The following OPLAH variants were observed in gnomAD, a reference collection of about 807,000 sequenced individuals.
OPLAH encodes the protein 5-oxoprolinase.
A neutral mutation model predicts 122.8 loss-of-function variants in OPLAH; 103 were observed. The ratio of observed to expected loss-of-function variants is 0.84; its 90% CI spans 0.71 to 0.99. The LOEUF (loss-of-function observed/expected upper bound fraction) is 0.99, where lower values mean the gene tolerates loss of function less well. Ranked by LOEUF, OPLAH falls within the 50% of genes least tolerant of loss-of-function variation. The pLI, the probability that OPLAH is intolerant of heterozygous loss-of-function variation, is 0.00. For missense variants in OPLAH, 1,902 were observed against 1,836.5 expected (o/e 1.04, Z -0.65); for synonymous variants, 875 against 796.0 (o/e 1.10, Z -1.67).
intron 26 of OPLAH, 106 bp downstream of exon 26, chr8:144,051,623 C>A: frequency 9.1e-7 from 1 of 1,096,862 alleles, no homozygotes; most frequent in Non-Finnish European, 1.2e-6. Context: ...CTTCCGGGGC[C>A]AAATTAAACT....
chr8:144,051,992 G>T lies in OPLAH; in HGVS notation c.3546C>A (p.Arg1182=). Residue 1182 remains arginine, a synonymous_variant, in exon 25 of 27, where the codon CGC becomes CGA. Coordinates refer to ENST00000618853, the MANE Select transcript of OPLAH (RefSeq NM_017570.5). ...GRFRGGDGVT[R]ELLFREEALL... ...GCGCCTCCTCACGAAAGAGCAGCTCGCGGGTGACGCCGTCGCCGCCTCGGA... is the reference window on the plus strand; with the variant it reads ...GCGCCTCCTCACGAAAGAGCAGCTCTCGGGTGACGCCGTCGCCGCCTCGGA... 1 of 1,584,180 alleles carries T rather than the reference G, an allele frequency of 6.3e-7. No homozygotes were observed. The highest frequency in any genetic ancestry group is 8.5e-7 in the Non-Finnish European group (1 of 1,173,790).
Position 144,052,811 on chromosome 8 carries a change from G to C in OPLAH, c.3108C>G (p.Ile1036Met), listed in dbSNP as rs1362836327. 2 of 1,561,496 alleles carry C rather than the reference G, an allele frequency of 1.3e-6. No individual in the cohort carries two copies. Among genetic ancestry groups the C allele is most frequent in the South Asian group, 1.2e-5 (1 of 84,760 alleles). Residue 1036 changes from isoleucine to methionine, a missense_variant, in exon 22 of 27, where the codon ATC (isoleucine) becomes ATG (methionine). Ile to Met is a conservative substitution (Grantham distance 10, BLOSUM62 1). Around this residue, in one of 3 missense-constraint regions of OPLAH, gnomAD observed 1,726 missense variants for 1,642.1 expected, o/e 1.05. Coordinates refer to ENST00000618853, the MANE Select transcript of OPLAH (RefSeq NM_017570.5). Reference sequence around the variant, plus strand: ...GGCCCACCAGACAGCGCAGGCAGTAGATGAGGGCGGACAGGGTTACGGCCC... The same window carrying C: ...GGCCCACCAGACAGCGCAGGCAGTACATGAGGGCGGACAGGGTTACGGCCC... ...APRAVTLSALIYCLRCLVGRD... is the reference protein window; with the variant it reads ...APRAVTLSALMYCLRCLVGRD...
intron 9 of OPLAH, 37 bp downstream of exon 9, chr8:144,057,819 G>C (rs782135353): frequency 1.2e-6 from 2 of 1,605,362 alleles, no homozygotes; most frequent in Non-Finnish European, 1.7e-6. Context: ...GCGGCAAGCG[G>C]AGGGCAAGGC....
At chr8:144,053,448 C>T (rs976083473) in intron 19 of OPLAH, 55 bp from the exon 20 acceptor site, 21 of 1,509,738 alleles carry the variant, frequency 1.4e-5, no homozygotes, top group Admixed American at 1.3e-4. Context: ...GCACCCCCAA[C>T]CCAGGTTTCC....
At position 144,055,336 on chromosome 8, in the gene OPLAH, G is replaced by T; in HGVS notation, c.2249-147C>A. The T allele has an allele frequency of 2.5e-6, 2 of 813,102 alleles. No individual in the cohort carries two copies. Among genetic ancestry groups the T allele is most frequent in the Admixed American group, 3.6e-5 (1 of 27,606 alleles). 50.4% of individuals were successfully genotyped at this position (813,102 alleles called of 1,614,324 possible). A position where few individuals can be genotyped will look rare whatever the true frequency, so the allele number is the denominator to read the frequency against. Reference sequence around the variant, plus strand: ...TCCTGGGGAAGACCAAGTTGACGGTGTGCCCACTTGGCCACGTCTTAGCCT... The same window carrying T: ...TCCTGGGGAAGACCAAGTTGACGGTTTGCCCACTTGGCCACGTCTTAGCCT... On this transcript the variant is annotated intron_variant, in intron 16 of 26. Coordinates refer to ENST00000618853, the MANE Select transcript of OPLAH (RefSeq NM_017570.5). The surrounding 1 kb of genome is among the most constrained non-coding windows in gnomAD (Gnocchi z 6.5).
At chr8:144,061,751 G>A (rs188769007), upstream of OPLAH, among the ~76,000 whole-genome samples, 24 of 152,266 alleles carry the variant, frequency 1.6e-4, no homozygotes, top group African/African-American at 4.8e-4. Flanking sequence ...GGCCTGGCAC[G>A]GTGGCTCACG....
At chr8:144,059,133 G>A (rs1407239232) in intron 3 of OPLAH, 54 bp from the exon 4 acceptor site, 1 of 1,430,444 alleles carries the variant, frequency 7.0e-7, no homozygotes, top group Non-Finnish European at 9.5e-7. Flanking sequence ...CCAGGCCGGG[G>A]TCCTGTGTGA....
downstream of OPLAH, chr8:144,050,884 C>T (rs1835356513): frequency 3.0e-6 from 3 of 998,364 alleles, no homozygotes; most frequent in Admixed American, 5.6e-5. Context: ...GATGTAGGCA[C>T]TGCCCGCCCG....
At position 144,057,113 on chromosome 8, in the gene OPLAH, C is replaced by T; in HGVS notation, c.1541G>A (p.Ser514Asn). ...CAGCCCCAGGGCCGACAGCAGCCCA[C>T]TGTGCCTGCAGGGATGGGCAGCATG... ...GMDTVHIHRH[S>N]GLLSALGLAL... is the part of the protein sequence containing the mutation. The change falls in exon 12 of 27, where the codon AGT (serine) becomes AAT (asparagine). Residue 514 changes from serine to asparagine, a missense_variant. Transcript: ENST00000618853. 1 of 1,598,466 alleles carries T rather than the reference C, an allele frequency of 6.3e-7. No individual in the cohort carries two copies. The highest frequency in any genetic ancestry group is 8.5e-7 in the Non-Finnish European group (1 of 1,173,582).
At chr8:144,050,516 C>A (rs977259524), downstream of OPLAH, 8 of 985,248 alleles carry the variant, frequency 8.1e-6, no homozygotes, top group Non-Finnish European at 9.6e-6. Context: ...CCCCGCCCAC[C>A]GCGCGCCCGC....
At chr8:144,062,111 C>T (rs782677546), upstream of OPLAH, among the ~76,000 whole-genome samples, 2 of 151,996 alleles carry the variant, frequency 1.3e-5, no homozygotes, top group African/African-American at 2.4e-5. Flanking sequence ...TCTTAATAAA[C>T]GTGCTTTCAC....
chr8:144,062,469 T>C (rs1835679100), upstream of OPLAH, among the ~76,000 whole-genome samples: 1 of 151,786 alleles, frequency 6.6e-6, no homozygotes, highest in Non-Finnish European at 1.5e-5. Context: ...CTCTGAGCAG[T>C]CCGTGGGAAG....
rs759796545 is a variant in OPLAH, at chr8:144,052,836, C to T, written c.3083G>A (p.Arg1028Gln). The change falls in exon 22 of 27, where the codon CGG becomes CAG. Residue 1028 changes from arginine (R) to glutamine (Q), a missense_variant. Physicochemically the swap from Arg to Gln is conservative, Grantham distance 43. Around this residue, in one of 3 missense-constraint regions of OPLAH, gnomAD observed 1,726 missense variants for 1,642.1 expected, o/e 1.05. Transcript: ENST00000618853. Reference protein sequence around the residue: ...PEVFGNLNAPRAVTLSALIYC... With the variant: ...PEVFGNLNAPQAVTLSALIYC... ...GATGAGGGCGGACAGGGTTACGGCC[C>T]GCGGTGCGTTGAGATTACCAAACAC... 1 of 1,556,432 alleles carries T rather than the reference C, an allele frequency of 6.4e-7. No individual in the cohort carries two copies. Among genetic ancestry groups the T allele is most frequent in the Non-Finnish European group, 8.7e-7 (1 of 1,150,898 alleles).
rs1554757858 is a variant in OPLAH, at chr8:144,052,252, C to G, written c.3378G>C (p.Ala1126=). The G allele has an allele frequency of 1.3e-6, 2 of 1,542,820 alleles. No homozygotes were observed. Among genetic ancestry groups the G allele is most frequent in the Admixed American group, 2.0e-5 (1 of 51,172 alleles). The part of the protein sequence containing the change: ...YYETVAGGAG[A]GPSWHGRSGV... Reference sequence around the variant, plus strand: ...CGCTGCGCCCGTGCCAGCTGGGACCCGCGCCCGCGCCGCCCGCCACCGTCT... The same window carrying G: ...CGCTGCGCCCGTGCCAGCTGGGACCGGCGCCCGCGCCGCCCGCCACCGTCT... Residue 1126 remains alanine (A), a synonymous_variant, in exon 24 of 27, where the codon GCG becomes GCC. Transcript: ENST00000618853.
chr8:144,050,328 G>A (rs1392322214), downstream of OPLAH: 1 of 950,568 alleles, frequency 1.1e-6, no homozygotes, highest in Non-Finnish European at 1.2e-6. Context: ...GCAGCAAACA[G>A]CTGACGCCGC....
rs139103382 is a variant in OPLAH, at chr8:144,056,721, G to A, written c.1741C>T (p.Arg581Cys). 5.8e-5 allele frequency: 94 copies of A among 1,610,904 alleles called. 1 individual carries two copies. The African/African-American group carries it at 6.8e-4, about 12-fold the overall frequency. Residue 581 changes from arginine to cysteine, a missense_variant, in exon 13 of 27, where the codon CGC becomes TGC. Arg to Cys is a radical substitution (Grantham distance 180). Around this residue, in one of 3 missense-constraint regions of OPLAH, gnomAD observed 1,726 missense variants for 1,642.1 expected, o/e 1.05. Transcript: ENST00000618853. ...AGAGCACAGTCCGTGCCCTGGTAGC[G>A]CAGGTGCAGGAAGCTCTCAGTGCTG... ...QISTESFLHL[R>C]YQGTDCALMV...
chr8:144,058,823 C>T lies in OPLAH; in HGVS notation c.537G>A (p.Leu179=), dbSNP rs1472527231. The change falls in exon 5 of 27, where the codon CTG becomes CTA. Residue 179 remains leucine (L), a synonymous_variant. Coordinates refer to ENST00000618853, the MANE Select transcript of OPLAH (RefSeq NM_017570.5). ...CCAGGCTGCGGATGCCTCGAGATAG[C>T]AGCCCCTCCAGCTTCCCACGCAGGG... The part of the protein sequence containing the change: ...LGALRGKLEG[L]LSRGIRSLAV... The T allele has an allele frequency of 1.3e-6, 2 of 1,594,286 alleles. No individual in the cohort carries two copies. Among genetic ancestry groups the T allele is most frequent in the Non-Finnish European group, 1.7e-6 (2 of 1,171,192 alleles).
upstream of OPLAH, among the ~76,000 whole-genome samples, chr8:144,062,057 G>A (rs1028343089): frequency 6.6e-5 from 10 of 151,294 alleles, no homozygotes; most frequent in South Asian, 2.1e-4. Context: ...AGCAGCCCTC[G>A]GGGTGCTCTG....
rs782080797 is a variant in OPLAH, at chr8:144,056,273, G to A, written c.1984-14C>T. The A allele has an allele frequency of 9.3e-6, 15 of 1,606,450 alleles. No individual in the cohort carries two copies. Among genetic ancestry groups the A allele is most frequent in the Non-Finnish European group, 1.2e-5 (14 of 1,174,694 alleles). ...GCACTGGGTCATCTGCAGAGGGTGC[G>A]GGTGAGTACAGCGCCCGGGCCCAGC... On this transcript the variant is annotated splice_polypyrimidine_tract_variant and intron_variant, in intron 14 of 26. Coordinates refer to ENST00000618853, the MANE Select transcript of OPLAH (RefSeq NM_017570.5).
Sources: gnomAD v4.1 joint callset for allele counts (sites outside exome capture counted in the v4.1 genomes callset) on GRCh38, gnomAD v4.1.1 for gene constraint, gnomAD v4.1.1 regional missense constraint, Gnocchi (gnomAD v3.1) non-coding constraint, MANE v1.5 for transcripts, NCBI Gene and HGNC (gene_info 2026-07-23, HGNC 2026-07-21) for gene names.